TULP2: variants seen among roughly 807,000 people sequenced by gnomAD.
The protein encoded by TULP2 is tubby-related protein 2.
In TULP2, 64 loss-of-function variants were observed where a neutral mutation model predicts 60.3. The observed-to-expected ratio is 1.06, with a 90% CI of 0.87 to 1.31. TULP2 has a LOEUF of 1.31. Among genes scored for constraint, TULP2 ranks in the 50% most tolerant of loss-of-function variants. The pLI is 0.00. For synonymous variants in TULP2, 267 were observed against 265.4 expected, an observed-to-expected ratio of 1.01 and a Z score of -0.06; for missense variants, 652 against 667.0, an observed-to-expected ratio of 0.98 and a Z score of 0.25.
intron 11 of TULP2, among the ~76,000 whole-genome samples, chr19:48,882,943 G>T (rs930447092): frequency 6.6e-6 from 1 of 152,192 alleles, no homozygotes; most frequent in African/African-American, 2.4e-5. Flanking sequence ...GTTACTGCCG[G>T]GCACGGTGGC....
intron 8 of TULP2, 149 bp from the exon 9 acceptor site, chr19:48,885,709 C>G: frequency 1.7e-6 from 1 of 593,238 alleles, no homozygotes. Context: ...CATGGTGAAA[C>G]CCCGTCTCTA....
chr19:48,896,907 T>G (rs1393328165), intron 3 of TULP2, among the ~76,000 whole-genome samples: 2 of 149,982 alleles, frequency 1.3e-5, no homozygotes, highest in African/African-American at 4.8e-5. Context: ...TTTTTCTTTT[T>G]GAGACAGAGT....
rs906912660 is a variant in TULP2 at position 48,897,957 on chromosome 19, T to TTATC, written c.-1-89_-1-88insGATA. ...GCACCTAATCTTTAGCCTTATTTAT[T>TTATC]TATTTATTTATTTATTTATTTATGT... On this transcript the variant is annotated intron_variant, in intron 1 of 12. Coordinates refer to ENST00000221399, the MANE Select transcript of TULP2 (RefSeq NM_003323.3). The surrounding 1 kb of genome is among the most constrained non-coding windows in gnomAD (Gnocchi z 4.0). The TTATC allele has an allele frequency of 2.4e-5, 21 of 860,048 alleles. No individual in the cohort carries two copies. The highest frequency in any genetic ancestry group is 3.6e-5 in the African/African-American group (2 of 55,316). The allele number at this position is 860,048 out of a possible 1,614,324, so 53.3% of individuals were successfully genotyped here. A position where few individuals can be genotyped will look rare whatever the true frequency, so the allele number is the denominator to read the frequency against.
At chr19:48,892,250 C>A (rs1454026540) in intron 6 of TULP2, among the ~76,000 whole-genome samples, 2 of 152,248 alleles carry the variant, frequency 1.3e-5, no homozygotes, top group African/African-American at 4.8e-5. Flanking sequence ...CGGGGAAATC[C>A]TGGACAATGC....
At chr19:48,892,535 G>A (rs2037242943) in intron 6 of TULP2, among the ~76,000 whole-genome samples, 2 of 149,750 alleles carry the variant, frequency 1.3e-5, no homozygotes, top group Admixed American at 6.7e-5. Context: ...ACGGAGTCTT[G>A]CTCTGTCACC....
chr19:48,885,413 A>T (rs975669143), intron 9 of TULP2, 35 bp downstream of exon 9: 2 of 1,582,324 alleles, frequency 1.3e-6, no homozygotes, highest in African/African-American at 2.7e-5. Context: ...GCTCCCTGCT[A>T]CCTGCTCCTC....
chr19:48,896,625 T>C (rs532724268), intron 3 of TULP2, 69 bp from the exon 4 acceptor site: 2 of 1,493,822 alleles, frequency 1.3e-6, no homozygotes, highest in Admixed American at 2.3e-5. Context: ...AGGTGGGGCC[T>C]GGGGCAAGGG....
chr19:48,886,262 C>T (rs1003648704), intron 8 of TULP2, among the ~76,000 whole-genome samples: 2 of 150,230 alleles, frequency 1.3e-5, no homozygotes, highest in African/African-American at 2.5e-5. Flanking sequence ...GCCGAGATCG[C>T]GCCACTGCAC....
At chr19:48,890,520 T>G (rs1285929724) in intron 6 of TULP2, among the ~76,000 whole-genome samples, 1 of 152,202 alleles carries the variant, frequency 6.6e-6, no homozygotes, top group Non-Finnish European at 1.5e-5. Flanking sequence ...CTATACTTTG[T>G]CTCTGTGTCT....
At chr19:48,884,137 C>T in intron 9 of TULP2, 91 bp from the exon 10 acceptor site, 1 of 1,041,896 alleles carries the variant, frequency 9.6e-7, no homozygotes, top group South Asian at 1.4e-5. Flanking sequence ...CCCATCAATC[C>T]CCTATGTCTA....
rs759115268 is a variant in TULP2 at position 48,897,256 on chromosome 19, G to A, written c.84+89C>T. The A allele has an allele frequency of 9.3e-6, 13 of 1,403,188 alleles. No individual in the cohort carries two copies. The highest frequency in any genetic ancestry group is 1.2e-5 in the Non-Finnish European group (12 of 1,002,424). The allele number at this position is 1,403,188 out of a possible 1,614,324, so 86.9% of individuals were successfully genotyped here. A position where few individuals can be genotyped will look rare whatever the true frequency, so the allele number is the denominator to read the frequency against. On this transcript the variant is annotated intron_variant, in intron 3 of 12. Transcript: ENST00000221399. The surrounding 1 kb of genome is among the most constrained non-coding windows in gnomAD (Gnocchi z 4.0). ...GATGAGAGACAGCCAACACGGGCTG[G>A]GAGTCCTAGAGCAAGACCTGGTGGA... is the stretch of plus-strand genomic sequence containing the variant.
chr19:48,881,770 G>A (rs2037134715), intron 12 of TULP2, among the ~76,000 whole-genome samples: 2 of 152,098 alleles, frequency 1.3e-5, no homozygotes, highest in African/African-American at 2.4e-5. Flanking sequence ...CACCCACCTC[G>A]GTCTCCCAAA....
At chr19:48,889,288 GGCCAT>G (rs2037211122) in intron 7 of TULP2, among the ~76,000 whole-genome samples, 1 of 152,104 alleles carries the variant, frequency 6.6e-6, no homozygotes, top group Admixed American at 6.6e-5. Context: ...GTATTTTAAT[GGCCAT>G]GTCCATGTCA....
At chr19:48,883,240 AAG>A (rs1320295344) in intron 11 of TULP2, among the ~76,000 whole-genome samples, 1 of 151,580 alleles carries the variant, frequency 6.6e-6, no homozygotes, top group African/African-American at 2.4e-5. Flanking sequence ...AAAAGAAAGA[AAG>A]AGAGAGTCTA....
In TULP2 at chr19:48,888,255, C is replaced by T. The variant is rs776707569; in HGVS notation, c.643G>A (p.Asp215Asn). ...GAGGCCTCTCTCTTCTTTTCCAAGT[C>T]TTCTTCCTAGCCCAGGCACCAAATT... ...YENLAFQKEE[D>N]LEKKREASES... The change falls in exon 8 of 13, where the codon GAC (aspartate) becomes AAC (asparagine). Residue 215 changes from aspartate (D) to asparagine (N), a missense_variant. Transcript: ENST00000221399. The T allele has an allele frequency of 3.8e-6, 6 of 1,588,256 alleles. No individual in the cohort carries two copies. Among genetic ancestry groups the T allele is most frequent in the Non-Finnish European group, 5.2e-6 (6 of 1,162,852 alleles).
intron 9 of TULP2, among the ~76,000 whole-genome samples, chr19:48,884,304 G>A (rs2037160515): frequency 2.0e-5 from 3 of 151,740 alleles, no homozygotes; most frequent in African/African-American, 7.3e-5. Flanking sequence ...AATTAGTTGG[G>A]CGTGGCAGTT....
intron 8 of TULP2, among the ~76,000 whole-genome samples, chr19:48,886,726 A>G (rs1450503706): frequency 6.6e-6 from 1 of 151,338 alleles, no homozygotes. Flanking sequence ...GAGGCCTGAT[A>G]GCTTATAGCA....
At chr19:48,886,186 G>T (rs1432442097) in intron 8 of TULP2, among the ~76,000 whole-genome samples, 2 of 151,936 alleles carry the variant, frequency 1.3e-5, no homozygotes, top group Non-Finnish European at 2.9e-5. Flanking sequence ...GGCGCCTGTA[G>T]TCCCAGCTAC....
chr19:48,886,314 A>AT (rs1283067691), intron 8 of TULP2, among the ~76,000 whole-genome samples: 39 of 151,510 alleles, frequency 2.6e-4, no homozygotes, highest in Non-Finnish European at 4.3e-4. Flanking sequence ...AAAAAAAAAA[A>AT]GACTTACTGG....
Sources: allele counts gnomAD v4.1 joint callset (sites outside exome capture counted in the v4.1 genomes callset), GRCh38; gene constraint gnomAD v4.1.1; non-coding constraint Gnocchi (gnomAD v3.1); transcripts MANE v1.5; gene names NCBI Gene and HGNC (gene_info 2026-07-23, HGNC 2026-07-21).